The following DIAPH2 variants were observed in gnomAD, a reference collection of about 807,000 sequenced individuals.
The protein encoded by DIAPH2 is protein diaphanous homolog 2.
A neutral mutation model predicts 92.7 loss-of-function variants in DIAPH2; 35 were observed. That is an observed-to-expected ratio of 0.38 (90% CI 0.29 to 0.50). The LOEUF (loss-of-function observed/expected upper bound fraction) is 0.50, where lower values mean the gene tolerates loss of function less well. Among genes scored for constraint, DIAPH2 ranks in the 20% least tolerant of loss-of-function variants. DIAPH2 has a pLI of 0.94. For missense variants in DIAPH2, 701 were observed against 819.5 expected (o/e 0.86, Z 1.77); for synonymous variants, 301 against 280.4 (o/e 1.07, Z -0.73).
At chrX:97,040,144 T>C (rs1350724339) in intron 17 of DIAPH2, among the ~76,000 whole-genome samples, 2 of 110,604 alleles carry the variant, frequency 1.8e-5, no homozygotes, top group African/African-American at 6.6e-5. Flanking sequence ...ACTTTGTAGG[T>C]TGAGACTTGG....
chrX:97,574,450 CA>C (rs761462162), intron 26 of DIAPH2, among the ~76,000 whole-genome samples: 37 of 102,983 alleles, frequency 3.6e-4, no homozygotes, highest in Admixed American at 1.0e-3. Context: ...TTACAGGTAC[CA>C]AAAAAAAAAA....
chrX:97,284,429 G>A (rs1041253889), intron 23 of DIAPH2, among the ~76,000 whole-genome samples: 5 of 110,368 alleles, frequency 4.5e-5, no homozygotes, highest in Non-Finnish European at 9.5e-5. Flanking sequence ...TGACCAACAT[G>A]GAGAAACCCT....
At chrX:96,843,111 T>C (rs987383751) in intron 4 of DIAPH2, among the ~76,000 whole-genome samples, 2 of 111,388 alleles carry the variant, frequency 1.8e-5, no homozygotes, top group Non-Finnish European at 3.8e-5. Flanking sequence ...TTCTCATGAA[T>C]GGTTTACCAC....
rs1428711772 is a variant in DIAPH2 at position 97,125,953 on chromosome X, A to G, written c.2589+10988A>G. Among the ~76,000 whole-genome samples the G allele has an allele frequency of 3.6e-5, 4 of 111,854 alleles. No individual in the cohort carries two copies. The East Asian group carries it at 1.1e-3, about 31-fold the overall frequency. On this transcript the variant is annotated intron_variant, in intron 21 of 26. Coordinates refer to ENST00000324765, the MANE Select transcript of DIAPH2 (RefSeq NM_006729.5). Reference sequence around the variant, plus strand: ...TTTTCAGCGCTAGAGCAGACAAAAAATGATGATTTATGGAACTAGCTGTAG... The same window carrying G: ...TTTTCAGCGCTAGAGCAGACAAAAAGTGATGATTTATGGAACTAGCTGTAG...
chrX:96,825,109 C>A (rs2064805141), intron 4 of DIAPH2, among the ~76,000 whole-genome samples: 1 of 99,200 alleles, frequency 1.0e-5, no homozygotes, highest in Admixed American at 1.1e-4. Context: ...CCACGCCTGG[C>A]TAATTTTTGT....
intron 26 of DIAPH2, among the ~76,000 whole-genome samples, chrX:97,517,363 A>G (rs1404684194): frequency 1.8e-5 from 2 of 112,131 alleles, no homozygotes; most frequent in African/African-American, 6.5e-5. Context: ...TTTTCTTATC[A>G]ATGAAATAAT....
intron 17 of DIAPH2, among the ~76,000 whole-genome samples, chrX:96,973,867 G>T (rs2065944174): frequency 9.1e-6 from 1 of 109,923 alleles, no homozygotes; most frequent in African/African-American, 3.3e-5. Flanking sequence ...GACTAATTTT[G>T]TATTTTTAGT....
At chrX:97,480,327 G>C in intron 26 of DIAPH2, among the ~76,000 whole-genome samples, 1 of 111,539 alleles carries the variant, frequency 9.0e-6, no homozygotes, top group African/African-American at 3.3e-5. Context: ...AGAGAGAAGT[G>C]CAACAAATTC....
chrX:97,370,017 G>T (rs921456649), intron 24 of DIAPH2, among the ~76,000 whole-genome samples: 4 of 111,342 alleles, frequency 3.6e-5, no homozygotes, highest in Admixed American at 9.6e-5. Flanking sequence ...ACCCTCTAGT[G>T]CTTCTTTTGA....
chrX:96,878,194 T>C (rs1368952400), intron 4 of DIAPH2, among the ~76,000 whole-genome samples: 2 of 112,318 alleles, frequency 1.8e-5, no homozygotes, highest in African/African-American at 6.5e-5. Context: ...ATATTGATTA[T>C]ACTGAAGGTA....
chrX:97,170,567 G>A (rs1364077058), intron 22 of DIAPH2, among the ~76,000 whole-genome samples: 1 of 111,659 alleles, frequency 9.0e-6, no homozygotes, highest in Non-Finnish European at 1.9e-5. Flanking sequence ...GATTGGAGGA[G>A]ATTGAAGAGA....
chrX:96,975,847 G>C (rs1035917120), intron 17 of DIAPH2, among the ~76,000 whole-genome samples: 1 of 111,286 alleles, frequency 9.0e-6, no homozygotes, highest in African/African-American at 3.3e-5. Context: ...TGAAGGCTCT[G>C]CCCTCGTGAC....
chrX:96,961,957 G>C (rs754700823), intron 16 of DIAPH2, among the ~76,000 whole-genome samples: 2 of 109,252 alleles, frequency 1.8e-5, no homozygotes, highest in African/African-American at 6.6e-5. Context: ...CTATCCTTGA[G>C]AATGTTTCTT....
chrX:96,889,732 AGAT>A (rs2065294497), intron 5 of DIAPH2, among the ~76,000 whole-genome samples: 1 of 111,813 alleles, frequency 8.9e-6, no homozygotes, highest in Non-Finnish European at 1.9e-5. Flanking sequence ...ATTTTATATT[AGAT>A]GATCAGTGAA....
At chrX:97,374,669 A>T (rs146525703) in intron 24 of DIAPH2, among the ~76,000 whole-genome samples, 120 of 112,296 alleles carry the variant, frequency 1.1e-3, no homozygotes, top group Middle Eastern at 4.6e-3. Flanking sequence ...CTTTGCCCTG[A>T]GCATTTGTCA....
At chrX:96,723,425 C>T (rs1415308065) in intron 1 of DIAPH2, among the ~76,000 whole-genome samples, 1 of 111,536 alleles carries the variant, frequency 9.0e-6, no homozygotes, top group Non-Finnish European at 1.9e-5. Context: ...CCTTTATGTA[C>T]CATCACTGGT....
chrX:97,130,343 A>G (rs2067129909), intron 21 of DIAPH2, among the ~76,000 whole-genome samples: 1 of 112,124 alleles, frequency 8.9e-6, no homozygotes, highest in African/African-American at 3.2e-5. Flanking sequence ...CAAAACATGG[A>G]AACAACCCAA....
At chrX:97,140,677 A>G (rs1181527929) in intron 21 of DIAPH2, among the ~76,000 whole-genome samples, 3 of 111,776 alleles carry the variant, frequency 2.7e-5, no homozygotes, top group African/African-American at 9.7e-5. Flanking sequence ...GGCCTGATTT[A>G]TTAAATGCTA....
intron 17 of DIAPH2, among the ~76,000 whole-genome samples, chrX:97,044,162 A>G (rs1052415472): frequency 4.5e-5 from 5 of 112,046 alleles, no homozygotes; most frequent in Non-Finnish European, 7.5e-5. Flanking sequence ...CCAAAAATAC[A>G]TTGCTGTATA....
Sources: gnomAD v4.1 joint callset for allele counts (sites outside exome capture counted in the v4.1 genomes callset) on GRCh38, gnomAD v4.1.1 for gene constraint, MANE v1.5 for transcripts, NCBI Gene and HGNC (gene_info 2026-07-23, HGNC 2026-07-21) for gene names.